The following REDIC1 variants were observed in gnomAD, a reference collection of about 807,000 sequenced individuals.
The protein encoded by REDIC1 is HEI10 Interacting Protein 1.
chr12:39,714,073 G>GTGTATATATACA, the REDIC1 span, among the ~76,000 whole-genome samples: 1 of 147,818 alleles, frequency 6.8e-6, no homozygotes, highest in Non-Finnish European at 1.5e-5. Flanking sequence ...GTGTATATAC[G>GTGTATATATACA]TGTATATACA....
chr12:39,683,103 T>A, the REDIC1 span: 1 of 1,609,736 alleles, frequency 6.2e-7, no homozygotes, highest in Non-Finnish European at 8.5e-7. Flanking sequence ...GTACATCTTT[T>A]GAGAACGATT....
chr12:39,874,389 G>A, the REDIC1 span, among the ~76,000 whole-genome samples: 1 of 152,184 alleles, frequency 6.6e-6, no homozygotes, highest in South Asian at 2.1e-4. Flanking sequence ...CAAGGCGGGT[G>A]GATCACCTGA....
chr12:39,895,551 T>TAC, the REDIC1 span, among the ~76,000 whole-genome samples: 83 of 66,732 alleles, frequency 1.2e-3, 6 homozygotes, highest in African/African-American at 3.6e-3. Context: ...TATATATATA[T>TAC]ACACACACAC....
chr12:39,740,533 A>G, the REDIC1 span, among the ~76,000 whole-genome samples: 1 of 152,186 alleles, frequency 6.6e-6, no homozygotes, highest in Non-Finnish European at 1.5e-5. Flanking sequence ...TCTGGGCACC[A>G]CTTTACAAGG....
At chr12:39,819,041 G>A in the REDIC1 span, among the ~76,000 whole-genome samples, 4 of 152,106 alleles carry the variant, frequency 2.6e-5, no homozygotes, top group Non-Finnish European at 4.4e-5. Flanking sequence ...TCAGACAACC[G>A]CTTGCACCCC....
the REDIC1 span, among the ~76,000 whole-genome samples, chr12:39,809,798 G>A: frequency 6.6e-6 from 1 of 152,164 alleles, no homozygotes; most frequent in East Asian, 1.9e-4. Flanking sequence ...GAGAATGATG[G>A]TTTCCAGCTT....
At chr12:39,815,774 C>T in the REDIC1 span, among the ~76,000 whole-genome samples, 1 of 152,094 alleles carries the variant, frequency 6.6e-6, no homozygotes, top group Admixed American at 6.6e-5. Context: ...TCTGACATTC[C>T]CAGTCTGGAA....
chr12:39,686,177 C>T, the REDIC1 span, among the ~76,000 whole-genome samples: 1 of 152,208 alleles, frequency 6.6e-6, no homozygotes. Flanking sequence ...CATGGCTCCA[C>T]TAGGCAGTGC....
chr12:39,841,208 T>G, the REDIC1 span, among the ~76,000 whole-genome samples: 648 of 152,264 alleles, frequency 4.3e-3, 5 homozygotes, highest in Non-Finnish European at 7.1e-3. Context: ...GATTGAGCAT[T>G]TGGCTCTAGC....
chr12:39,658,311 C>T, the REDIC1 span, among the ~76,000 whole-genome samples: 1 of 152,280 alleles, frequency 6.6e-6, no homozygotes, highest in Non-Finnish European at 1.5e-5. Flanking sequence ...TCTCGAACTC[C>T]TGACCTCAAG....
chr12:39,848,967 A>G, the REDIC1 span, among the ~76,000 whole-genome samples: 2 of 152,160 alleles, frequency 1.3e-5, no homozygotes, highest in Admixed American at 6.5e-5. Context: ...TGGGAGCTAA[A>G]TGATAAGAAC....
the REDIC1 span, among the ~76,000 whole-genome samples, chr12:39,761,594 C>G: frequency 6.8e-6 from 1 of 147,804 alleles, no homozygotes; most frequent in Non-Finnish European, 1.5e-5. Context: ...AAGGGTGATA[C>G]TGATAAGCTA....
chr12:39,718,299 T>TA, the REDIC1 span, among the ~76,000 whole-genome samples: 1 of 152,106 alleles, frequency 6.6e-6, no homozygotes, highest in Non-Finnish European at 1.5e-5. Context: ...TCAAAACATG[T>TA]AAACTATTTT....
At chr12:39,711,571 GTGCATACACATGCATGTGTATA>G in the REDIC1 span, among the ~76,000 whole-genome samples, 1 of 86,608 alleles carries the variant, frequency 1.2e-5, no homozygotes, top group Admixed American at 1.2e-4. Context: ...ATGTGTATAT[GTGCATACACATGCATGTGTATA>G]TGTGTATACA....
chr12:39,864,377 G>T, the REDIC1 span, among the ~76,000 whole-genome samples: 1 of 152,186 alleles, frequency 6.6e-6, no homozygotes, highest in South Asian at 2.1e-4. Context: ...GAGGGCATGT[G>T]CATCTTGTAA....
At chr12:39,696,084 C>T in the REDIC1 span, among the ~76,000 whole-genome samples, 1 of 152,128 alleles carries the variant, frequency 6.6e-6, no homozygotes, top group Admixed American at 6.5e-5. Context: ...TAGGTCTCAA[C>T]ACCCAAGTCC....
the REDIC1 span, among the ~76,000 whole-genome samples, chr12:39,718,173 T>C: frequency 6.6e-6 from 1 of 152,110 alleles, no homozygotes; most frequent in Non-Finnish European, 1.5e-5. Flanking sequence ...TGATGTTCTC[T>C]CTCTTGGGTT....
chr12:39,701,389 A>G, the REDIC1 span, among the ~76,000 whole-genome samples: 3 of 152,230 alleles, frequency 2.0e-5, no homozygotes, highest in Admixed American at 2.0e-4. Flanking sequence ...AGAGCTAACT[A>G]TCCTAAATAT....
At chr12:39,647,966 C>G in the REDIC1 span, 2 of 1,545,548 alleles carry the variant, frequency 1.3e-6, no homozygotes, top group Non-Finnish European at 1.7e-6. Context: ...TGAAAAAAAG[C>G]AGAATGACCA....
Sources: gnomAD v4.1 joint callset for allele counts (sites outside exome capture counted in the v4.1 genomes callset) on GRCh38, gnomAD v4.1.1 for gene constraint, MANE v1.5 for transcripts, NCBI Gene and HGNC (gene_info 2026-07-23, HGNC 2026-07-21) for gene names.